WDPCP: variants seen among roughly 807,000 people sequenced by gnomAD.
WDPCP encodes WD repeat-containing and planar cell polarity effector protein fritz homolog.
A neutral mutation model predicts 93.1 loss-of-function variants in WDPCP; 71 were observed. The ratio of observed to expected loss-of-function variants is 0.76; its 90% CI spans 0.63 to 0.93. WDPCP has a LOEUF of 0.93. Among genes scored for constraint, WDPCP ranks in the 40% least tolerant of loss-of-function variants. The probability of loss-of-function intolerance (pLI) is 0.00; values close to 1 mark genes in which losing one functional copy is unlikely to be tolerated. For missense variants in WDPCP, 844 were observed against 887.4 expected, an observed-to-expected ratio of 0.95 and a Z score of 0.62; for synonymous variants, 315 against 315.0, an observed-to-expected ratio of 1.00 and a Z score of 0.00.
intron 10 of WDPCP, among the ~76,000 whole-genome samples, chr2:63,387,373 A>C (rs898649572): frequency 1.3e-5 from 2 of 152,146 alleles, no homozygotes; most frequent in Non-Finnish European, 2.9e-5. Flanking sequence ...AGAATGAAAA[A>C]CAAAAACCAC....
At chr2:63,127,415 A>G (rs1353723992) in intron 17 of WDPCP, among the ~76,000 whole-genome samples, 1 of 151,808 alleles carries the variant, frequency 6.6e-6, no homozygotes, top group Non-Finnish European at 1.5e-5. Flanking sequence ...GAGCCACCGC[A>G]CCCGGCCTGA....
intron 6 of WDPCP, among the ~76,000 whole-genome samples, chr2:63,467,583 C>G (rs1425389367): frequency 2.0e-5 from 3 of 151,966 alleles, no homozygotes; most frequent in South Asian, 2.1e-4. Flanking sequence ...TCAAGACCAC[C>G]CTGGCCAATA....
intron 1 of WDPCP, among the ~76,000 whole-genome samples, chr2:63,815,094 G>C (rs1670911855): frequency 6.6e-6 from 1 of 151,894 alleles, no homozygotes; most frequent in Non-Finnish European, 1.5e-5. Flanking sequence ...ATAATTCTGT[G>C]CCCATTAAAA....
At chr2:63,583,198 A>G (rs1278897577) in intron 1 of WDPCP, among the ~76,000 whole-genome samples, 1 of 152,224 alleles carries the variant, frequency 6.6e-6, no homozygotes, top group Non-Finnish European at 1.5e-5. Context: ...ACACTATGAT[A>G]AAGGATGTAT....
At chr2:63,158,406 CA>C (rs1264274236) in intron 15 of WDPCP, among the ~76,000 whole-genome samples, 1 of 152,152 alleles carries the variant, frequency 6.6e-6, no homozygotes, top group Non-Finnish European at 1.5e-5. Context: ...ATTCTCTTGT[CA>C]GATGCAAACA....
intron 3 of WDPCP, among the ~76,000 whole-genome samples, chr2:63,630,016 A>C (rs1709848382): frequency 6.6e-6 from 1 of 152,252 alleles, no homozygotes; most frequent in South Asian, 2.1e-4. Context: ...ATTTAAAGGC[A>C]GCTATTATAA....
chr2:63,683,499 A>T (rs538027525), intron 2 of WDPCP, among the ~76,000 whole-genome samples: 6 of 152,282 alleles, frequency 3.9e-5, no homozygotes, highest in African/African-American at 1.4e-4. Context: ...TTATCACATT[A>T]TATTTATCAT....
At chr2:63,170,531 A>C (rs1206299793) in intron 15 of WDPCP, among the ~76,000 whole-genome samples, 1 of 151,988 alleles carries the variant, frequency 6.6e-6, no homozygotes, top group Non-Finnish European at 1.5e-5. Context: ...AGCCTCCCAA[A>C]GTGCTGGTAT....
chr2:63,221,104 G>A (rs770327993), intron 14 of WDPCP, among the ~76,000 whole-genome samples: 12 of 152,068 alleles, frequency 7.9e-5, no homozygotes, highest in Non-Finnish European at 1.8e-4. Flanking sequence ...GTCTATCATT[G>A]ATGGGCATTT....
At chr2:63,708,680 C>G (rs1669209793) in intron 2 of WDPCP, among the ~76,000 whole-genome samples, 1 of 152,122 alleles carries the variant, frequency 6.6e-6, no homozygotes, top group Non-Finnish European at 1.5e-5. Flanking sequence ...CCCGGTACCT[C>G]AGTTGGAAAT....
At chr2:63,375,105 T>C (rs1258716399) in intron 12 of WDPCP, among the ~76,000 whole-genome samples, 1 of 152,110 alleles carries the variant, frequency 6.6e-6, no homozygotes, top group African/African-American at 2.4e-5. Flanking sequence ...ATTAACTCTT[T>C]ATAATACATT....
chr2:63,693,670 G>A (rs1164267014), intron 2 of WDPCP, among the ~76,000 whole-genome samples: 1 of 152,124 alleles, frequency 6.6e-6, no homozygotes, highest in Non-Finnish European at 1.5e-5. Flanking sequence ...GGTTGGACAA[G>A]TAGGAGGGAG....
chr2:63,480,875 G>C (rs536785777), intron 6 of WDPCP, among the ~76,000 whole-genome samples: 1 of 151,796 alleles, frequency 6.6e-6, no homozygotes, highest in Non-Finnish European at 1.5e-5. Flanking sequence ...TAACAACAAA[G>C]ATAAATAGCT....
intron 13 of WDPCP, among the ~76,000 whole-genome samples, chr2:63,307,478 G>A (rs1335622789): frequency 6.6e-6 from 1 of 152,186 alleles, no homozygotes; most frequent in Non-Finnish European, 1.5e-5. Flanking sequence ...CATGCTACCT[G>A]ACTTCAAACT....
exon 3 of WDPCP, chr2:63,650,837 G>A (rs1048380959): frequency 3.3e-5 from 5 of 152,208 alleles, no homozygotes; most frequent in African/African-American, 9.7e-5. Context: ...GGTTGGCAAA[G>A]TCTGTGGTGG....
chr2:63,132,249 C>T (rs757885768), intron 17 of WDPCP, among the ~76,000 whole-genome samples: 1 of 151,922 alleles, frequency 6.6e-6, no homozygotes, highest in Non-Finnish European at 1.5e-5. Flanking sequence ...TCATTTTTCT[C>T]TTGTAGCTCT....
intron 12 of WDPCP, among the ~76,000 whole-genome samples, chr2:63,357,829 C>A (rs1329577619): frequency 6.6e-6 from 1 of 152,156 alleles, no homozygotes; most frequent in African/African-American, 2.4e-5. Flanking sequence ...CAGCACTATT[C>A]ATAGCAGCAA....
chr2:63,741,905 T>C (rs560545486), intron 2 of WDPCP, among the ~76,000 whole-genome samples: 4 of 152,236 alleles, frequency 2.6e-5, no homozygotes, highest in African/African-American at 9.6e-5. Flanking sequence ...TAAAATTGGA[T>C]CATACAACAG....
At chr2:63,128,899 CT>C (rs1203570688) in intron 17 of WDPCP, among the ~76,000 whole-genome samples, 36 of 152,280 alleles carry the variant, frequency 2.4e-4, no homozygotes, top group Middle Eastern at 3.4e-3. Context: ...AACTCCTGAC[CT>C]CAGGTGATCC....
Sources: allele counts gnomAD v4.1 joint callset (sites outside exome capture counted in the v4.1 genomes callset), GRCh38; gene constraint gnomAD v4.1.1; transcripts MANE v1.5; gene names NCBI Gene and HGNC (gene_info 2026-07-23, HGNC 2026-07-21).